Variants in BMPR1A observed in about 807,000 individuals in gnomAD.
BMPR1A encodes the protein bone morphogenetic protein receptor type 1A, also known as bone morphogenetic protein receptor type-1A.
Under a neutral mutation model 66.0 loss-of-function variants are expected in BMPR1A, and 7 were observed. The ratio of observed to expected loss-of-function variants is 0.11; its 90% CI spans 0.06 to 0.20. The LOEUF (loss-of-function observed/expected upper bound fraction) is 0.20, where lower values mean the gene tolerates loss of function less well. BMPR1A is among the 10% of genes least tolerant of loss of function. The pLI, the probability that BMPR1A is intolerant of heterozygous loss-of-function variation, is 1.00. For missense variants in BMPR1A, 408 were observed against 669.1 expected (o/e 0.61, Z 4.31); for synonymous variants, 200 against 229.7 (o/e 0.87, Z 1.17).
intron 7 of BMPR1A, among the ~76,000 whole-genome samples, chr10:86,905,952 A>G (rs1017569065): frequency 2.0e-5 from 3 of 152,152 alleles, no homozygotes; most frequent in Middle Eastern, 3.2e-3. Context: ...TATTTTTATC[A>G]CTTTCAGCAC....
intron 2 of BMPR1A, among the ~76,000 whole-genome samples, chr10:86,871,060 C>G (rs149484766): frequency 1.3e-5 from 2 of 152,308 alleles, no homozygotes; most frequent in East Asian, 3.9e-4. Context: ...ATTGTTCTCT[C>G]TTTGCTTTTC....
chr10:86,840,142 G>A (rs998478913), intron 2 of BMPR1A, among the ~76,000 whole-genome samples: 1 of 152,112 alleles, frequency 6.6e-6, no homozygotes, highest in Non-Finnish European at 1.5e-5. Flanking sequence ...TAAAAGGTTT[G>A]AATTATGTGG....
At chr10:86,770,945 G>T (rs575600397) in intron 1 of BMPR1A, among the ~76,000 whole-genome samples, 1 of 152,234 alleles carries the variant, frequency 6.6e-6, no homozygotes, top group South Asian at 2.1e-4. Flanking sequence ...TTCCCATTAA[G>T]TTCCCACCAA....
intron 1 of BMPR1A, among the ~76,000 whole-genome samples, chr10:86,785,390 G>T (rs7099402): frequency 6.6e-6 from 1 of 151,918 alleles, no homozygotes; most frequent in Admixed American, 6.6e-5. Context: ...ACCGCAATCT[G>T]CGCCTCCTGG....
chr10:86,839,410 T>C (rs1369166968), intron 2 of BMPR1A, among the ~76,000 whole-genome samples: 4 of 151,996 alleles, frequency 2.6e-5, no homozygotes, highest in Non-Finnish European at 5.9e-5. Context: ...CTGGCCAACA[T>C]GGCGAAATCT....
intron 3 of BMPR1A, among the ~76,000 whole-genome samples, chr10:86,878,884 G>T (rs1842952710): frequency 1.3e-5 from 2 of 151,996 alleles, no homozygotes; most frequent in South Asian, 4.1e-4. Context: ...TGGGAAAAGG[G>T]GGAAAATAGG....
chr10:86,856,666 T>C (rs1842646184), intron 2 of BMPR1A, among the ~76,000 whole-genome samples: 1 of 152,254 alleles, frequency 6.6e-6, no homozygotes, highest in East Asian at 1.9e-4. Context: ...TGTATATATC[T>C]CATGTCTACA....
chr10:86,884,615 A>C (rs1256580715), intron 3 of BMPR1A, among the ~76,000 whole-genome samples: 1 of 151,200 alleles, frequency 6.6e-6, no homozygotes, highest in East Asian at 2.0e-4. Flanking sequence ...GAGTTTCACC[A>C]TGTTGGCCAG....
chr10:86,760,530 C>T (rs2132583729), intron 1 of BMPR1A, among the ~76,000 whole-genome samples: 1 of 152,182 alleles, frequency 6.6e-6, no homozygotes, highest in East Asian at 1.9e-4. Context: ...GGCACTGTGG[C>T]TGGCCTTTAT....
At chr10:86,907,982 T>C (rs1251786534) in intron 7 of BMPR1A, among the ~76,000 whole-genome samples, 1 of 152,160 alleles carries the variant, frequency 6.6e-6, no homozygotes, top group East Asian at 1.9e-4. Flanking sequence ...AGAGAAGAAT[T>C]GTAATATTCC....
At chr10:86,849,073 C>T (rs531844969) in intron 2 of BMPR1A, among the ~76,000 whole-genome samples, 2 of 152,312 alleles carry the variant, frequency 1.3e-5, no homozygotes, top group African/African-American at 2.4e-5. Context: ...CTTCTTTGCT[C>T]TGAAACCTCC....
At position 86,890,239 on chromosome 10, in the gene BMPR1A, C is replaced by T. The variant is rs1334468883; in HGVS notation, c.230+15C>T. 2 of 1,613,228 alleles carry T rather than the reference C, an allele frequency of 1.2e-6. No individual in the cohort carries two copies. The highest frequency in any genetic ancestry group is 1.1e-5 in the South Asian group (1 of 91,066). On this transcript the variant is annotated intron_variant, in intron 4 of 12. Coordinates refer to ENST00000372037, the MANE Select transcript of BMPR1A (RefSeq NM_004329.3). ...AACACATGCATGTAAGTATTTTATGCAGCCCTTCTTAAGAGTTAGGAGAAT... is the reference window on the plus strand; with the variant it reads ...AACACATGCATGTAAGTATTTTATGTAGCCCTTCTTAAGAGTTAGGAGAAT...
Position 86,880,822 on chromosome 10 carries a change from C to G in BMPR1A, c.67+4737C>G, listed in dbSNP as rs139564448. Among the ~76,000 whole-genome samples, 828 of 152,246 alleles carry G rather than the reference C, an allele frequency of 5.4e-3. 6 individuals carry two copies. Among genetic ancestry groups the G allele is most frequent in the South Asian group, 0.011 (55 of 4,812 alleles). ...AGGAAAAGTTCAAAGGATTCAGTGA[C>G]CAGTTTGAATTGAATACTAATTGTA... On this transcript the variant is annotated intron_variant, in intron 3 of 12. Transcript: ENST00000372037.
chr10:86,848,849 C>A (rs111730775), intron 2 of BMPR1A, among the ~76,000 whole-genome samples: 1 of 152,210 alleles, frequency 6.6e-6, no homozygotes, highest in Admixed American at 6.5e-5. Flanking sequence ...ACAACTGCAT[C>A]TCTGCTTTCT....
intron 1 of BMPR1A, among the ~76,000 whole-genome samples, chr10:86,757,391 G>A (rs1339531896): frequency 1.3e-5 from 2 of 152,178 alleles, no homozygotes; most frequent in Non-Finnish European, 2.9e-5. Context: ...AGGGGCCCTG[G>A]CCCCCGAGCT....
At chr10:86,921,485 C>T (rs938954057) in intron 10 of BMPR1A, 35 bp from the exon 11 acceptor site, 1 of 1,612,450 alleles carries the variant, frequency 6.2e-7, no homozygotes, top group Non-Finnish European at 8.5e-7. Flanking sequence ...TTATTTTTGG[C>T]CCTCAACTTG....
intron 1 of BMPR1A, among the ~76,000 whole-genome samples, chr10:86,774,799 A>G (rs1490384484): frequency 6.6e-6 from 1 of 152,244 alleles, no homozygotes; most frequent in Non-Finnish European, 1.5e-5. Flanking sequence ...CATTTACACT[A>G]AATAAATCTA....
Position 86,925,872 on chromosome 10 carries a change from C to A in BMPR1A, c.*2153C>A, listed in dbSNP as rs1186594322. ...CCTCCCGAGTAGCTGGGACTACAGGCGCCCGCCACCGCGCCCGGCTAATTT... is the reference window on the plus strand; with the variant it reads ...CCTCCCGAGTAGCTGGGACTACAGGAGCCCGCCACCGCGCCCGGCTAATTT... On this transcript the variant is annotated 3_prime_UTR_variant, in exon 13 of 13. Coordinates refer to ENST00000372037, the MANE Select transcript of BMPR1A (RefSeq NM_004329.3). The A allele has an allele frequency of 1.2e-5, 2 of 163,178 alleles. No individual in the cohort carries two copies. The highest frequency in any genetic ancestry group is 4.8e-5 in the African/African-American group (2 of 41,470). The allele number at this position is 163,178 out of a possible 1,614,324, so 10.1% of individuals were successfully genotyped here.
chr10:86,875,022 A>G (rs926750121), intron 2 of BMPR1A, among the ~76,000 whole-genome samples: 1 of 151,274 alleles, frequency 6.6e-6, no homozygotes, highest in Non-Finnish European at 1.5e-5. Flanking sequence ...GAGCCACTGC[A>G]CCTGGCTCCT....
Sources: allele counts gnomAD v4.1 joint callset (sites outside exome capture counted in the v4.1 genomes callset), GRCh38; gene constraint gnomAD v4.1.1; transcripts MANE v1.5; gene names NCBI Gene and HGNC (gene_info 2026-07-23, HGNC 2026-07-21).